Variants in ADGRF5 observed in about 807,000 individuals in gnomAD.
ADGRF5 encodes adhesion G protein-coupled receptor F5.
A neutral mutation model predicts 132.3 loss-of-function variants in ADGRF5; 75 were observed. The ratio of observed to expected loss-of-function variants is 0.57; its 90% CI spans 0.47 to 0.69. The LOEUF (loss-of-function observed/expected upper bound fraction) is 0.69. ADGRF5 is among the 30% of genes least tolerant of loss of function. The pLI, the probability that ADGRF5 is intolerant of heterozygous loss-of-function variation, is 0.00. For synonymous variants in ADGRF5, 629 were observed against 597.6 expected, an observed-to-expected ratio of 1.05 and a Z score of -0.77; for missense variants, 1,516 against 1,630.6, an observed-to-expected ratio of 0.93 and a Z score of 1.21.
chr6:46,913,300 C>T (rs1776129558), intron 1 of ADGRF5, among the ~76,000 whole-genome samples: 1 of 152,044 alleles, frequency 6.6e-6, no homozygotes, highest in Admixed American at 6.6e-5. Context: ...GAGTATGAGA[C>T]CAGCCTTGCC....
At chr6:46,856,798 T>C (rs778181535) in intron 18 of ADGRF5, 21 bp from the exon 19 acceptor site, 3 of 1,597,900 alleles carry the variant, frequency 1.9e-6, no homozygotes, top group Non-Finnish European at 2.6e-6. Context: ...AAAAAGAAGC[T>C]ATCGTAACTT....
In ADGRF5 at chr6:46,888,431, C is replaced by A. The variant is rs1467203746; in HGVS notation, c.232G>T (p.Asp78Tyr). 6 of 1,611,054 alleles carry A rather than the reference C, an allele frequency of 3.7e-6. No individual in the cohort carries two copies. In the African/African-American group the frequency reaches 6.7e-5, roughly 18 times the overall value. ...CTGTTCAAGTAGGCTTTGATAGGAT[C>A]CAGGAAGGATGCATTTTCAAAACTG... ...EISFENASFLDPIKAYLNSLS... is the reference protein window; with the variant it reads ...EISFENASFLYPIKAYLNSLS... The change falls in exon 4 of 21, where the codon GAT (aspartate) becomes TAT (tyrosine). Residue 78 changes from aspartate to tyrosine, a missense_variant. By Grantham distance (160) the Asp-to-Tyr change is radical. This residue lies in a region of ADGRF5 where 945 missense variants were observed against 929.4 expected (regional missense o/e 1.02). Transcript: ENST00000283296.
At chr6:46,877,231 C>CTTTCTTTCTTTCT (rs1461535273) in intron 10 of ADGRF5, among the ~76,000 whole-genome samples, 125 of 23,754 alleles carry the variant, frequency 5.3e-3, no homozygotes, top group Admixed American at 7.5e-3. Context: ...TCCTCTCTTT[C>CTTTCTTTCTTTCT]TTTCTTTCTT....
At chr6:46,880,349 A>G (rs1772311970) in intron 8 of ADGRF5, among the ~76,000 whole-genome samples, 1 of 58,746 alleles carries the variant, frequency 1.7e-5, no homozygotes, top group Non-Finnish European at 3.8e-5. Context: ...AAAATTGCAC[A>G]TTTTTTTATA....
At chr6:46,932,500 G>C (rs192153328) in intron 1 of ADGRF5, among the ~76,000 whole-genome samples, 4 of 152,176 alleles carry the variant, frequency 2.6e-5, no homozygotes, top group Admixed American at 2.0e-4. Flanking sequence ...TCCACACAAG[G>C]GTTTTCTGTG....
At chr6:46,931,750 G>A (rs1777566142) in intron 1 of ADGRF5, among the ~76,000 whole-genome samples, 1 of 152,170 alleles carries the variant, frequency 6.6e-6, no homozygotes, top group Admixed American at 6.5e-5. Flanking sequence ...TATGAAGACT[G>A]AGGGTTTGCA....
At position 46,854,037 on chromosome 6, in the gene ADGRF5, G is replaced by A; in HGVS notation, c.3996C>T (p.Ser1332=). ...CACTGGATGAGTTTTCCAGGGATGAGCTGGTTGCTTCTGGGGTGGAAACAT... is the reference window on the plus strand; with the variant it reads ...CACTGGATGAGTTTTCCAGGGATGAACTGGTTGCTTCTGGGGTGGAAACAT... ...TYNVSTPEAT[S]SSLENSSSAS... The change falls in exon 21 of 21, where the codon AGC becomes AGT. Residue 1332 remains serine (S), a synonymous_variant. Coordinates refer to ENST00000283296, the MANE Select transcript of ADGRF5 (RefSeq NM_001098518.2). The A allele has an allele frequency of 6.2e-7, 1 of 1,604,848 alleles. No individual in the cohort carries two copies. The highest frequency in any genetic ancestry group is 1.3e-5 in the African/African-American group (1 of 74,272).
Position 46,852,838 on chromosome 6 carries a change from A to G in ADGRF5, c.*1154T>C, listed in dbSNP as rs1768636492. Reference sequence around the variant, plus strand: ...AATGTATATTGGTCTGGGAACTTAAAGATGGAAACAGAGAATACATAGGGA... The same window carrying G: ...AATGTATATTGGTCTGGGAACTTAAGGATGGAAACAGAGAATACATAGGGA... On this transcript the variant is annotated 3_prime_UTR_variant, in exon 21 of 21. Coordinates refer to ENST00000283296, the MANE Select transcript of ADGRF5 (RefSeq NM_001098518.2). 6.6e-6 allele frequency: 1 copy of G among 152,568 alleles called. No homozygotes were observed. Among genetic ancestry groups the G allele is most frequent in the African/African-American group, 2.4e-5 (1 of 41,456 alleles). The allele number at this position is 152,568 out of a possible 1,614,324, so 9.5% of individuals were successfully genotyped here. A position where few individuals can be genotyped will look rare whatever the true frequency, so the allele number is the denominator to read the frequency against.
chr6:46,888,055 T>A (rs1324080415), intron 4 of ADGRF5: 3 of 260,302 alleles, frequency 1.2e-5, no homozygotes, highest in African/African-American at 2.8e-5. Context: ...TAGTTTATTA[T>A]GAAGGACCTG....
chr6:46,899,438 C>T (rs943879585), intron 3 of ADGRF5, among the ~76,000 whole-genome samples: 1 of 152,132 alleles, frequency 6.6e-6, no homozygotes, highest in Non-Finnish European at 1.5e-5. Flanking sequence ...CGGCCCTGAC[C>T]TGACACCTGC....
Position 46,867,113 on chromosome 6 carries a change from T to C in ADGRF5, c.1646A>G (p.Tyr549Cys), listed in dbSNP as rs769866853. ...WNGTYHCIFR[Y>C]KNSYSIATKD... ...GGTTGCAATACTGTATGAATTCTTA[T>C]ATCTAAATATGCAGTGATAGGTTCC... The change falls in exon 13 of 21, where the codon TAT (tyrosine) becomes TGT (cysteine). Residue 549 changes from tyrosine (Y) to cysteine (C), a missense_variant. Transcript: ENST00000283296. 2 of 1,609,262 alleles carry C rather than the reference T, an allele frequency of 1.2e-6. No homozygotes were observed. Among genetic ancestry groups the C allele is most frequent in the Non-Finnish European group, 1.7e-6 (2 of 1,175,648 alleles).
intron 16 of ADGRF5, 68 bp downstream of exon 16, chr6:46,860,647 C>T: frequency 1.7e-6 from 2 of 1,175,426 alleles, no homozygotes; most frequent in South Asian, 2.8e-5. Context: ...AATTACGTTT[C>T]TTGAATACAA....
chr6:46,872,418 A>G (rs1431066800), intron 10 of ADGRF5, among the ~76,000 whole-genome samples: 2 of 152,232 alleles, frequency 1.3e-5, no homozygotes, highest in African/African-American at 4.8e-5. Context: ...AATGTGAACA[A>G]TAAAAAAAGA....
intron 1 of ADGRF5, among the ~76,000 whole-genome samples, chr6:46,916,328 C>A (rs1776412865): frequency 6.6e-6 from 1 of 152,206 alleles, no homozygotes; most frequent in African/African-American, 2.4e-5. Context: ...GAACTTGTCT[C>A]CTGTCCCACT....
At chr6:46,947,264 G>T (rs1430385511) in intron 1 of ADGRF5, among the ~76,000 whole-genome samples, 1 of 152,206 alleles carries the variant, frequency 6.6e-6, no homozygotes, top group Non-Finnish European at 1.5e-5. Context: ...ACAGGGAACT[G>T]CAATTGAGTC....
intron 20 of ADGRF5, among the ~76,000 whole-genome samples, chr6:46,854,385 G>C (rs1768798707): frequency 1.3e-5 from 2 of 152,206 alleles, no homozygotes; most frequent in Non-Finnish European, 1.5e-5. Context: ...TGCATGGTCT[G>C]GGAACATCTG....
Position 46,903,963 on chromosome 6 carries a change from C to T in ADGRF5, c.102+2698G>A, listed in dbSNP as rs556535213. Among the ~76,000 whole-genome samples, 31 of 152,252 alleles carry T rather than the reference C, an allele frequency of 2.0e-4. No homozygotes were observed. The South Asian group carries it at 2.3e-3, about 11-fold the overall frequency. On this transcript the variant is annotated intron_variant, in intron 2 of 20. Coordinates refer to ENST00000283296, the MANE Select transcript of ADGRF5 (RefSeq NM_001098518.2). ...TGTAGAGGAAACAGACTCAGGGAAA[C>T]GAAGAAAGTTGACAGTTTCCAAAGC...
At position 46,865,189 on chromosome 6, in the gene ADGRF5, C is replaced by T. The variant is rs1314164091; in HGVS notation, c.1843G>A (p.Val615Ile). ...TTGTAGCACACTTGTTTTTTGTTAA[C>T]TTCTTTTGCTGAAGACAGAATTATT... ...GSSSLPAAKE[V>I]NKKQVCYKHN... The change falls in exon 14 of 21, where the codon GTT (valine) becomes ATT (isoleucine). Residue 615 changes from valine (V) to isoleucine (I), a missense_variant. Val to Ile is a conservative substitution (Grantham distance 29). Coordinates refer to ENST00000283296, the MANE Select transcript of ADGRF5 (RefSeq NM_001098518.2). The T allele has an allele frequency of 6.2e-7, 1 of 1,608,006 alleles. No individual in the cohort carries two copies. Among genetic ancestry groups the T allele is most frequent in the Admixed American group, 1.7e-5 (1 of 59,390 alleles).
intron 3 of ADGRF5, among the ~76,000 whole-genome samples, chr6:46,891,018 C>T (rs924350781): frequency 2.0e-5 from 3 of 152,052 alleles, no homozygotes; most frequent in Admixed American, 6.5e-5. Context: ...TTGGATTTAC[C>T]CATCAACCTT....
Sources: gnomAD v4.1 joint callset for allele counts (sites outside exome capture counted in the v4.1 genomes callset) on GRCh38, gnomAD v4.1.1 for gene constraint, gnomAD v4.1.1 regional missense constraint, MANE v1.5 for transcripts, NCBI Gene and HGNC (gene_info 2026-07-23, HGNC 2026-07-21) for gene names.